Variants in CCSER1 observed in about 807,000 individuals in gnomAD.
CCSER1 encodes the protein coiled-coil serine rich protein 1.
A neutral mutation model predicts 82.0 loss-of-function variants in CCSER1; 41 were observed. The ratio of observed to expected loss-of-function variants is 0.50; its 90% CI spans 0.39 to 0.65. CCSER1 has a LOEUF of 0.65. Among genes scored for constraint, CCSER1 ranks in the 30% least tolerant of loss-of-function variants. The probability of loss-of-function intolerance (pLI) is 0.00; values close to 1 mark genes in which losing one functional copy is unlikely to be tolerated. For missense variants in CCSER1, 1,119 were observed against 1,064.2 expected, an observed-to-expected ratio of 1.05 and a Z score of -0.72; for synonymous variants, 414 against 383.9, an observed-to-expected ratio of 1.08 and a Z score of -0.92.
chr4:91,156,475 AT>A (rs1560475336), intron 10 of CCSER1, among the ~76,000 whole-genome samples: 1 of 151,628 alleles, frequency 6.6e-6, no homozygotes, highest in Non-Finnish European at 1.5e-5. Context: ...TCTCATATTT[AT>A]TCTCCTTGTT....
chr4:90,244,919 A>C (rs1212858021), intron 1 of CCSER1, among the ~76,000 whole-genome samples: 1 of 152,130 alleles, frequency 6.6e-6, no homozygotes, highest in Non-Finnish European at 1.5e-5. Flanking sequence ...GAGTCACACG[A>C]CCTTGGTTTG....
At chr4:90,850,082 C>T (rs1425077047) in intron 8 of CCSER1, among the ~76,000 whole-genome samples, 1 of 152,212 alleles carries the variant, frequency 6.6e-6, no homozygotes, top group African/African-American at 2.4e-5. Context: ...GGCCAAGGTA[C>T]TCCTCAGACC....
At chr4:91,239,178 T>G (rs1165529130) in intron 10 of CCSER1, among the ~76,000 whole-genome samples, 1 of 134,558 alleles carries the variant, frequency 7.4e-6, no homozygotes, top group East Asian at 2.2e-4. Flanking sequence ...ACCATTATAA[T>G]CAACTTCATC....
intron 8 of CCSER1, among the ~76,000 whole-genome samples, chr4:90,870,946 A>AT (rs942428267): frequency 3.5e-5 from 5 of 142,328 alleles, no homozygotes; most frequent in African/African-American, 1.0e-4. Flanking sequence ...AAATATATTT[A>AT]TTTTTTCTAT....
At chr4:91,572,890 T>C (rs540933607) in intron 10 of CCSER1, among the ~76,000 whole-genome samples, 8 of 151,506 alleles carry the variant, frequency 5.3e-5, no homozygotes, top group Admixed American at 3.3e-4. Context: ...CCACCCCTAG[T>C]CAGCTGGGAC....
At chr4:90,631,659 A>G (rs1390517913) in intron 6 of CCSER1, among the ~76,000 whole-genome samples, 2 of 152,154 alleles carry the variant, frequency 1.3e-5, no homozygotes, top group African/African-American at 4.8e-5. Context: ...TTGTGGAGTA[A>G]TAAAAATAAT....
intron 10 of CCSER1, among the ~76,000 whole-genome samples, chr4:91,402,210 T>C (rs1465339799): frequency 6.6e-6 from 1 of 152,248 alleles, no homozygotes; most frequent in Non-Finnish European, 1.5e-5. Flanking sequence ...GAGAAGTGTC[T>C]GTTCATATCC....
At chr4:91,478,353 T>A (rs1757705078) in intron 10 of CCSER1, among the ~76,000 whole-genome samples, 1 of 151,930 alleles carries the variant, frequency 6.6e-6, no homozygotes, top group Non-Finnish European at 1.5e-5. Flanking sequence ...TAAATATGAA[T>A]TATTACCCAA....
At chr4:91,358,870 T>G (rs1223288222) in intron 10 of CCSER1, among the ~76,000 whole-genome samples, 1 of 152,092 alleles carries the variant, frequency 6.6e-6, no homozygotes, top group African/African-American at 2.4e-5. Flanking sequence ...CCCTCAGGGA[T>G]GCTCCACAGG....
chr4:90,858,895 T>C (rs1363283950), intron 8 of CCSER1, among the ~76,000 whole-genome samples: 2 of 151,818 alleles, frequency 1.3e-5, no homozygotes, highest in African/African-American at 4.8e-5. Context: ...CTGTAAGAAA[T>C]AGTGACTTAT....
At chr4:90,887,324 C>T (rs1398849000) in intron 8 of CCSER1, among the ~76,000 whole-genome samples, 1 of 152,014 alleles carries the variant, frequency 6.6e-6, no homozygotes, top group Non-Finnish European at 1.5e-5. Flanking sequence ...TTATTTACCC[C>T]TGCTTGACTT....
At chr4:91,151,089 T>C (rs1014826097) in intron 10 of CCSER1, among the ~76,000 whole-genome samples, 3 of 152,100 alleles carry the variant, frequency 2.0e-5, no homozygotes, top group African/African-American at 4.8e-5. Context: ...GCTGTGAATC[T>C]ATCTGGTCCT....
chr4:90,161,796 A>T (rs1009263859), intron 1 of CCSER1, among the ~76,000 whole-genome samples: 1 of 152,158 alleles, frequency 6.6e-6, no homozygotes, highest in African/African-American at 2.4e-5. Context: ...AAAAATTCTC[A>T]TATTTTTTTC....
intron 2 of CCSER1, among the ~76,000 whole-genome samples, chr4:90,311,826 A>G (rs906513163): frequency 1.1e-4 from 16 of 152,078 alleles, no homozygotes; most frequent in African/African-American, 3.9e-4. Context: ...AATTAGAACA[A>G]TTTTTTCATT....
chr4:90,701,028 T>C lies in CCSER1; in HGVS notation c.1933-22886T>C, dbSNP rs1262105957. On this transcript the variant is annotated intron_variant, in intron 6 of 10. Transcript: ENST00000509176. ...CAATTTTGGCTTTTGTTGCCATTGC[T>C]TTTGGTGTTTTAGACATGAAGTCCT... is the stretch of plus-strand genomic sequence containing the variant. Among the ~76,000 whole-genome samples the C allele has an allele frequency of 2.0e-5, 3 of 152,184 alleles. No individual in the cohort carries two copies. The East Asian group carries it at 5.8e-4, about 29-fold the overall frequency.
At chr4:90,939,990 C>T (rs1731401348) in intron 9 of CCSER1, among the ~76,000 whole-genome samples, 2 of 151,900 alleles carry the variant, frequency 1.3e-5, no homozygotes, top group Admixed American at 1.3e-4. Context: ...TGCAAAACTC[C>T]ATCCCCTTAA....
intron 10 of CCSER1, among the ~76,000 whole-genome samples, chr4:91,552,783 G>A (rs1762217483): frequency 6.6e-6 from 1 of 151,208 alleles, no homozygotes. Context: ...CTTGGTGGAG[G>A]TCTTAGGATT....
chr4:90,636,994 A>G (rs1193283269), intron 6 of CCSER1, among the ~76,000 whole-genome samples: 1 of 152,230 alleles, frequency 6.6e-6, no homozygotes, highest in African/African-American at 2.4e-5. Flanking sequence ...TGAAGAATAT[A>G]AAGTTGTCAT....
At chr4:90,904,696 G>T (rs1021431420) in intron 8 of CCSER1, among the ~76,000 whole-genome samples, 2 of 152,076 alleles carry the variant, frequency 1.3e-5, no homozygotes, top group African/African-American at 4.8e-5. Flanking sequence ...TAGCATGTTT[G>T]CAACCATCTG....
Sources: allele counts gnomAD v4.1 joint callset (sites outside exome capture counted in the v4.1 genomes callset), GRCh38; gene constraint gnomAD v4.1.1; transcripts MANE v1.5; gene names NCBI Gene and HGNC (gene_info 2026-07-23, HGNC 2026-07-21).